Variants in SEMA6D observed in about 807,000 individuals in gnomAD.
The protein encoded by SEMA6D is semaphorin 6D, also known as semaphorin-6D.
In SEMA6D, 35 loss-of-function variants were observed where a neutral mutation model predicts 106.6. That is an observed-to-expected ratio of 0.33 (90% CI 0.25 to 0.44). The LOEUF is 0.44. Among genes scored for constraint, SEMA6D ranks in the 20% least tolerant of loss-of-function variants. SEMA6D has a pLI of 1.00. For synonymous variants in SEMA6D, 499 were observed against 487.7 expected (o/e 1.02, Z -0.31); for missense variants, 1,185 against 1,345.9 (o/e 0.88, Z 1.87).
At chr15:47,236,215 A>C (rs1026631141) in intron 1 of SEMA6D, among the ~76,000 whole-genome samples, 1 of 152,104 alleles carries the variant, frequency 6.6e-6, no homozygotes, top group African/African-American at 2.4e-5. Context: ...AGAGTCTTTT[A>C]ATCTGCCATT....
chr15:47,755,605 G>T (rs1249862591), intron 1 of SEMA6D, among the ~76,000 whole-genome samples: 1 of 152,014 alleles, frequency 6.6e-6, no homozygotes, highest in Non-Finnish European at 1.5e-5. Flanking sequence ...TATTGGATTG[G>T]ATTGGAACTT....
At chr15:47,228,970 A>G (rs767599014) in intron 1 of SEMA6D, among the ~76,000 whole-genome samples, 8 of 152,192 alleles carry the variant, frequency 5.3e-5, no homozygotes, top group Non-Finnish European at 8.8e-5. Context: ...GATTTATTCA[A>G]TTAATCACTG....
chr15:47,204,396 G>T (rs1393103118), intron 1 of SEMA6D, among the ~76,000 whole-genome samples: 1 of 152,116 alleles, frequency 6.6e-6, no homozygotes, highest in Non-Finnish European at 1.5e-5. Context: ...TGTAAAATCT[G>T]TGGCCAGAGG....
chr15:47,762,480 G>C (rs2082114032), intron 8 of SEMA6D, among the ~76,000 whole-genome samples, 161 bp downstream of exon 8: 1 of 152,110 alleles, frequency 6.6e-6, no homozygotes, highest in African/African-American at 2.4e-5. Flanking sequence ...GACAGGGAAT[G>C]AGGAGGCTGG....
intron 1 of SEMA6D, among the ~76,000 whole-genome samples, chr15:47,237,431 AT>A (rs1409885232): frequency 8.4e-6 from 1 of 119,162 alleles, no homozygotes; most frequent in South Asian, 2.5e-4. Flanking sequence ...GTTTCTAGTA[AT>A]TTTTTTCACT....
At chr15:47,384,814 G>GTTTTTTTTTTTTTTTTTTTTTTTT (rs1168068495) in intron 1 of SEMA6D, among the ~76,000 whole-genome samples, 1 of 65,694 alleles carries the variant, frequency 1.5e-5, no homozygotes, top group African/African-American at 5.3e-5. Flanking sequence ...GATTACTAAA[G>GTTTTTTTTTTTTTTTTTTTTTTTT]TTTTTTTTTT....
At chr15:47,394,861 G>T (rs1203045359) in intron 1 of SEMA6D, among the ~76,000 whole-genome samples, 1 of 152,098 alleles carries the variant, frequency 6.6e-6, no homozygotes, top group African/African-American at 2.4e-5. Flanking sequence ...TTAAATGGGA[G>T]AATATTAAGA....
intron 1 of SEMA6D, among the ~76,000 whole-genome samples, chr15:47,194,180 T>C (rs566413149): frequency 9.9e-5 from 15 of 152,180 alleles, no homozygotes; most frequent in African/African-American, 3.6e-4. Flanking sequence ...ATTAAGATCA[T>C]GGAATTGTAT....
At chr15:47,443,752 T>C (rs2041948009) in intron 2 of SEMA6D, among the ~76,000 whole-genome samples, 1 of 152,146 alleles carries the variant, frequency 6.6e-6, no homozygotes, top group African/African-American at 2.4e-5. Context: ...TTTTCATCAA[T>C]ATACAGTTAC....
intron 13 of SEMA6D, 104 bp downstream of exon 13, chr15:47,765,160 G>A (rs563284916): frequency 1.3e-6 from 2 of 1,491,738 alleles, no homozygotes; most frequent in African/African-American, 2.8e-5. Flanking sequence ...CAGTGGTTTG[G>A]CATAATAGTG....
At chr15:47,238,711 T>A (rs962848591) in intron 1 of SEMA6D, among the ~76,000 whole-genome samples, 2 of 152,064 alleles carry the variant, frequency 1.3e-5, no homozygotes, top group Non-Finnish European at 2.9e-5. Context: ...CCATGTAGAT[T>A]TTCTGGCCTG....
chr15:47,487,145 A>T (rs940891447), intron 3 of SEMA6D, among the ~76,000 whole-genome samples: 2 of 152,214 alleles, frequency 1.3e-5, no homozygotes, highest in Non-Finnish European at 2.9e-5. Flanking sequence ...CAATATACAG[A>T]TACATAGAGT....
At chr15:47,414,040 T>C (rs1595936983) in intron 2 of SEMA6D, among the ~76,000 whole-genome samples, 1 of 152,322 alleles carries the variant, frequency 6.6e-6, no homozygotes, top group Non-Finnish European at 1.5e-5. Flanking sequence ...TTTAGTTTAA[T>C]AGCTTGTATT....
intron 1 of SEMA6D, among the ~76,000 whole-genome samples, chr15:47,265,267 G>T (rs1487907249): frequency 6.6e-6 from 1 of 151,412 alleles, no homozygotes; most frequent in African/African-American, 2.4e-5. Context: ...TTTCTGGGTG[G>T]TTTTTTTATT....
chr15:47,749,614 CAGG>C (rs1443908393), intron 1 of SEMA6D, among the ~76,000 whole-genome samples: 1 of 152,164 alleles, frequency 6.6e-6, no homozygotes, highest in Admixed American at 6.5e-5. Flanking sequence ...GGAAATTCAG[CAGG>C]AGAAGTCAAG....
intron 3 of SEMA6D, among the ~76,000 whole-genome samples, chr15:47,514,889 G>A (rs1229807814): frequency 6.6e-6 from 1 of 152,128 alleles, no homozygotes; most frequent in Non-Finnish European, 1.5e-5. Flanking sequence ...CAGAAGCTCA[G>A]CCTCAGACCA....
chr15:47,188,168 A>G (rs188372044), intron 1 of SEMA6D, among the ~76,000 whole-genome samples: 20 of 152,254 alleles, frequency 1.3e-4, no homozygotes, highest in Admixed American at 9.8e-4. Context: ...AGTTTCTTCT[A>G]TGAGTTTAGC....
intron 4 of SEMA6D, among the ~76,000 whole-genome samples, chr15:47,666,174 G>A (rs1390302980): frequency 2.0e-5 from 3 of 152,276 alleles, no homozygotes; most frequent in East Asian, 3.9e-4. Context: ...AATGTTTTGC[G>A]TACAAACTTC....
chr15:47,630,598 C>G (rs150488590), intron 4 of SEMA6D, among the ~76,000 whole-genome samples: 3 of 151,520 alleles, frequency 2.0e-5, no homozygotes, highest in African/African-American at 7.3e-5. Context: ...CTTCTTCTTG[C>G]CTTATTGAAG....
Sources: allele counts gnomAD v4.1 joint callset (sites outside exome capture counted in the v4.1 genomes callset), GRCh38; gene constraint gnomAD v4.1.1; transcripts MANE v1.5; gene names NCBI Gene and HGNC (gene_info 2026-07-23, HGNC 2026-07-21).